The following ACAD10 variants were observed in gnomAD, a reference collection of about 807,000 sequenced individuals.
The protein encoded by ACAD10 is ACAD-10.
A neutral mutation model predicts 116.8 loss-of-function variants in ACAD10; 112 were observed. The ratio of observed to expected loss-of-function variants is 0.96; its 90% CI spans 0.82 to 1.12. ACAD10 has a LOEUF of 1.12. ACAD10 is among the 50% of genes most tolerant of loss of function. The pLI, the probability that ACAD10 is intolerant of heterozygous loss-of-function variation, is 0.00. For missense variants in ACAD10, 1,259 were observed against 1,350.2 expected (o/e 0.93, Z 1.06); for synonymous variants, 486 against 510.6 (o/e 0.95, Z 0.65).
In ACAD10 at chr12:111,729,949, G is replaced by A. The variant is rs36046440; in HGVS notation, c.1387G>A (p.Asp463Asn). 7,455 of 1,613,718 alleles carry A rather than the reference G, an allele frequency of 4.6e-3. 25 individuals carry two copies. The highest frequency in any genetic ancestry group is 5.3e-3 in the Non-Finnish European group (6,252 of 1,179,774). The change falls in exon 10 of 21, where the codon GAC (aspartate) becomes AAC (asparagine). Residue 463 changes from aspartate (D) to asparagine (N), a missense_variant. Transcript: ENST00000313698. ...GCAGAGGACCACAGTGGTGCACGGG[G>A]ACTTCAGGTAGATGTGGTGGCAGGG... The part of the protein sequence containing the change: ...RQQRTTVVHG[D>N]FRLDNLVFHP...
At chr12:111,756,200 T>A in intron 20 of ACAD10, 133 bp from the exon 21 acceptor site, 3 of 1,437,478 alleles carry the variant, frequency 2.1e-6, no homozygotes, top group Non-Finnish European at 2.7e-6. Flanking sequence ...TATTAGTGAT[T>A]GTATCACATA....
At chr12:111,748,026 G>T (rs2135990960) in intron 16 of ACAD10, among the ~76,000 whole-genome samples, 1 of 152,270 alleles carries the variant, frequency 6.6e-6, no homozygotes, top group South Asian at 2.1e-4. Context: ...GAGCCAGCTG[G>T]CAGGGATCAA....
At position 111,748,805 on chromosome 12, in the gene ACAD10, C is replaced by T. The variant is rs552391497; in HGVS notation, c.2644+330C>T. ...CCAGTGTGAACAGCTGACCTCTAGG[C>T]CACAGCCCTGGTTTGGTCCGCTCCC... is the stretch of plus-strand genomic sequence containing the variant. On this transcript the variant is annotated intron_variant, in intron 17 of 20. Transcript: ENST00000313698. The T allele has an allele frequency of 2.3e-4, 130 of 577,550 alleles. 2 individuals carry two copies. The South Asian group carries it at 2.5e-3, about 11-fold the overall frequency. The allele number at this position is 577,550 out of a possible 1,614,324, so 35.8% of individuals were successfully genotyped here.
At chr12:111,723,655 ACCTC>A (rs1244645855) in intron 8 of ACAD10, among the ~76,000 whole-genome samples, 3 of 79,162 alleles carry the variant, frequency 3.8e-5, no homozygotes, top group Non-Finnish European at 5.1e-5. Context: ...TGACCCCCCG[ACCTC>A]CCTCCCGGAC....
Position 111,736,881 on chromosome 12 carries a change from T to C in ACAD10, c.1591T>C (p.Tyr531His). ...GCTGGGAATCCCTGCTGCAGAGGAG[T>C]ATTTCAGGATGTACTGTCTCCAAAT... is the stretch of plus-strand genomic sequence containing the variant. ...TQLGIPAAEE[Y>H]FRMYCLQMGL... Residue 531 changes from tyrosine to histidine, a missense_variant, in exon 12 of 21, where the codon TAT becomes CAT. Transcript: ENST00000313698. 1 of 1,613,586 alleles carries C rather than the reference T, an allele frequency of 6.2e-7. No individual in the cohort carries two copies. Among genetic ancestry groups the C allele is most frequent in the South Asian group, 1.1e-5 (1 of 91,010 alleles).
At chr12:111,753,307 GA>G (rs1890121850) in intron 18 of ACAD10, 1 of 356,894 alleles carries the variant, frequency 2.8e-6, no homozygotes, top group Middle Eastern at 1.0e-3. Context: ...GGGCTGAGGG[GA>G]CCTTGCTCCC....
Position 111,748,314 on chromosome 12 carries a change from C to A in ACAD10, c.2486-3C>A. 5 of 1,614,086 alleles carry A rather than the reference C, an allele frequency of 3.1e-6. No homozygotes were observed. The South Asian group carries it at 4.4e-5, about 14-fold the overall frequency. On this transcript the variant is annotated splice_region_variant and splice_polypyrimidine_tract_variant and intron_variant, in intron 16 of 20. Coordinates refer to ENST00000313698, the MANE Select transcript of ACAD10 (RefSeq NM_025247.6). ...GGGGTCTGTCTCTCTCCTTTCCTGGCAGGCATCCTGGATCCTCGTTGCCAA... is the reference window on the plus strand; with the variant it reads ...GGGGTCTGTCTCTCTCCTTTCCTGGAAGGCATCCTGGATCCTCGTTGCCAA...
chr12:111,747,192 T>C lies in ACAD10; in HGVS notation c.2394+6T>C. ...TTGCTATGACCGAGCCCCAGGTACG[T>C]CGCCTGGGCTGCCACCCACTTGCCT... On this transcript the variant is annotated splice_donor_region_variant and intron_variant, in intron 15 of 20. Coordinates refer to ENST00000313698, the MANE Select transcript of ACAD10 (RefSeq NM_025247.6). The C allele has an allele frequency of 6.2e-7, 1 of 1,608,228 alleles. No homozygotes were observed. Among genetic ancestry groups the C allele is most frequent in the Non-Finnish European group, 8.5e-7 (1 of 1,175,470 alleles).
Position 111,748,463 on chromosome 12 carries a change from G to A in ACAD10, c.2632G>A (p.Glu878Lys), listed in dbSNP as rs1334286340. 2.5e-6 allele frequency: 4 copies of A among 1,613,446 alleles called. No individual in the cohort carries two copies. Among genetic ancestry groups the A allele is most frequent in the East Asian group, 2.2e-5 (1 of 44,896 alleles). ...CCGGCCTCTGACGGTGTATGGACTG[G>A]AAGATGCACCAGGTGAGACCTCCAG... is the stretch of plus-strand genomic sequence containing the variant. ...IIRPLTVYGLEDAPGGHGEVR... is the reference protein window; with the variant it reads ...IIRPLTVYGLKDAPGGHGEVR... Residue 878 changes from glutamate to lysine, a missense_variant, in exon 17 of 21, where the codon GAA becomes AAA. By Grantham distance (56) the Glu-to-Lys change is moderately conservative. Transcript: ENST00000313698.
chr12:111,749,531 C>A, intron 18 of ACAD10, 186 bp downstream of exon 18: 1 of 768,258 alleles, frequency 1.3e-6, no homozygotes, highest in Non-Finnish European at 2.0e-6. Context: ...GGATTCAGAG[C>A]AGAATGGACC....
At chr12:111,727,555 A>G (rs1345570328) in intron 8 of ACAD10, among the ~76,000 whole-genome samples, 1 of 152,142 alleles carries the variant, frequency 6.6e-6, no homozygotes, top group Non-Finnish European at 1.5e-5. Flanking sequence ...ATAAATAAAC[A>G]AAAAATAAAA....
At chr12:111,717,126 AG>A (rs1888867397) in intron 7 of ACAD10, among the ~76,000 whole-genome samples, 1 of 152,116 alleles carries the variant, frequency 6.6e-6, no homozygotes, top group Non-Finnish European at 1.5e-5. Context: ...AAACCAAGGC[AG>A]GCAGATTTGC....
intron 5 of ACAD10, chr12:111,710,078 C>G: frequency 3.2e-6 from 1 of 316,134 alleles, no homozygotes; most frequent in Non-Finnish European, 6.1e-6. Context: ...CTCATGCCAA[C>G]TTTTTTCTAT....
intron 18 of ACAD10, chr12:111,752,857 A>C (rs1474586895): frequency 6.6e-6 from 1 of 151,132 alleles, no homozygotes; most frequent in Non-Finnish European, 1.5e-5. Context: ...AAAAAAAAAA[A>C]ACTAGGCTGG....
chr12:111,738,565 T>C (rs1196084328), intron 12 of ACAD10, among the ~76,000 whole-genome samples: 1 of 150,932 alleles, frequency 6.6e-6, no homozygotes, highest in Non-Finnish European at 1.5e-5. Flanking sequence ...ACATCAGGTA[T>C]GTTTAAATCC....
At chr12:111,736,784 C>T (rs369148628) in intron 11 of ACAD10, 47 bp from the exon 12 acceptor site, 105 of 1,565,290 alleles carry the variant, frequency 6.7e-5, no homozygotes, top group Admixed American at 2.1e-4. Flanking sequence ...GCCACAGGGG[C>T]GTGTCACGTC....
chr12:111,714,758 G>A (rs973761825), intron 6 of ACAD10, among the ~76,000 whole-genome samples: 1 of 151,910 alleles, frequency 6.6e-6, no homozygotes, highest in East Asian at 1.9e-4. Flanking sequence ...TGTTGCCCAG[G>A]CTGGAGTGCA....
chr12:111,727,134 G>T (rs1014471311), intron 8 of ACAD10, among the ~76,000 whole-genome samples: 2 of 152,060 alleles, frequency 1.3e-5, no homozygotes, highest in Admixed American at 1.3e-4. Flanking sequence ...GCTGAGGCAG[G>T]ATAATCGCTT....
Position 111,715,838 on chromosome 12 carries a change from C to G in ACAD10, c.868C>G (p.Gln290Glu). 1 of 1,614,186 alleles carries G rather than the reference C, an allele frequency of 6.2e-7. No individual in the cohort carries two copies. Among genetic ancestry groups the G allele is most frequent in the Non-Finnish European group, 8.5e-7 (1 of 1,180,032 alleles). ...ACTTGCAGGCCCATTGGAACTACTT[C>G]AGTTTGATCACGGGCAGTCAAATCC... ...IQTTGPLELLQFDHGQSNPTY... is the reference protein window; with the variant it reads ...IQTTGPLELLEFDHGQSNPTY... The change falls in exon 7 of 21, where the codon CAG (glutamine) becomes GAG (glutamate). Residue 290 changes from glutamine to glutamate, a missense_variant. Physicochemically the swap from Gln to Glu is conservative, Grantham distance 29. Coordinates refer to ENST00000313698, the MANE Select transcript of ACAD10 (RefSeq NM_025247.6).
Sources: gnomAD v4.1 joint callset for allele counts (sites outside exome capture counted in the v4.1 genomes callset) on GRCh38, gnomAD v4.1.1 for gene constraint, MANE v1.5 for transcripts, NCBI Gene and HGNC (gene_info 2026-07-23, HGNC 2026-07-21) for gene names.